Variants in MBD5 observed in about 807,000 individuals in gnomAD.
MBD5 encodes methyl-CpG-binding domain protein 5.
In MBD5, 13 loss-of-function variants were observed where a neutral mutation model predicts 117.3. The ratio of observed to expected loss-of-function variants is 0.11; its 90% CI spans 0.07 to 0.18. MBD5 has a LOEUF of 0.18. MBD5 is among the 10% of genes least tolerant of loss of function. MBD5 has a pLI of 1.00. For synonymous variants in MBD5, 727 were observed against 766.4 expected (o/e 0.95, Z 0.85); for missense variants, 1,879 against 2,093.8 (o/e 0.90, Z 2.00).
chr2:148,220,768 T>A (rs1699666557), intron 2 of MBD5, among the ~76,000 whole-genome samples: 1 of 152,276 alleles, frequency 6.6e-6, no homozygotes, highest in Non-Finnish European at 1.5e-5. Flanking sequence ...TACTTTTAGT[T>A]TTTTTCTAAG....
chr2:148,195,006 C>T (rs1031172547), intron 2 of MBD5, among the ~76,000 whole-genome samples: 2 of 152,128 alleles, frequency 1.3e-5, no homozygotes, highest in Non-Finnish European at 2.9e-5. Flanking sequence ...GATTAAGGTC[C>T]ATACTGTTTC....
intron 3 of MBD5, among the ~76,000 whole-genome samples, chr2:148,234,928 A>G (rs956254959): frequency 6.6e-6 from 1 of 152,196 alleles, no homozygotes; most frequent in Non-Finnish European, 1.5e-5. Flanking sequence ...TTTAATTAGT[A>G]GAAATATTCT....
chr2:148,224,206 C>A (rs752004895), intron 2 of MBD5, among the ~76,000 whole-genome samples: 1 of 152,172 alleles, frequency 6.6e-6, no homozygotes, highest in Non-Finnish European at 1.5e-5. Flanking sequence ...ATTGGATGAA[C>A]TGTTCTGTAA....
intron 4 of MBD5, among the ~76,000 whole-genome samples, chr2:148,440,692 A>C (rs1706291925): frequency 6.6e-6 from 1 of 152,262 alleles, no homozygotes; most frequent in Admixed American, 6.5e-5. Flanking sequence ...CCAGGAACAC[A>C]AAGATAAATA....
intron 1 of MBD5, among the ~76,000 whole-genome samples, chr2:148,091,907 C>A (rs1255945498): frequency 2.6e-5 from 4 of 152,112 alleles, no homozygotes; most frequent in African/African-American, 9.7e-5. Flanking sequence ...TATTCTGCAA[C>A]TATGCATCTG....
At chr2:148,282,889 A>G (rs1701282162) in intron 3 of MBD5, among the ~76,000 whole-genome samples, 1 of 114,694 alleles carries the variant, frequency 8.7e-6, no homozygotes, top group Non-Finnish European at 1.8e-5. Context: ...CTGACTTTTA[A>G]GACTTAACCG....
rs149420079 is a variant in MBD5 at position 148,345,541 on chromosome 2, A to G, written c.-557+3205A>G. Among the ~76,000 whole-genome samples, 117 of 97,728 alleles carry G rather than the reference A, an allele frequency of 1.2e-3. 3 individuals carry two copies. Among genetic ancestry groups the G allele is most frequent in the African/African-American group, 3.9e-3 (84 of 21,658 alleles). The allele number at this position is 97,728 out of a possible 152,430, so 64.1% of individuals were successfully genotyped here. On this transcript the variant is annotated intron_variant, in intron 4 of 13. Transcript: ENST00000642680. Reference sequence around the variant, plus strand: ...TATACACATACATATGTATATACACATATACACATACATATGTATATACAC... The same window carrying G: ...TATACACATACATATGTATATACACGTATACACATACATATGTATATACAC...
Position 148,123,981 on chromosome 2 carries a change from T to G in MBD5, c.-924-54719T>G, listed in dbSNP as rs184319242. ...CTTTAATTTCAAGAACATCTCATTGTGTTGTTAAAAAATCACTGCAGGTCA... is the reference window on the plus strand; with the variant it reads ...CTTTAATTTCAAGAACATCTCATTGGGTTGTTAAAAAATCACTGCAGGTCA... On this transcript the variant is annotated intron_variant, in intron 1 of 13. Transcript: ENST00000642680. Among the ~76,000 whole-genome samples the G allele has an allele frequency of 4.2e-4, 64 of 152,330 alleles. No individual in the cohort carries two copies. The East Asian group carries it at 0.011, about 27-fold the overall frequency.
At chr2:148,152,140 GTCT>G (rs1251722842) in intron 1 of MBD5, among the ~76,000 whole-genome samples, 1 of 151,890 alleles carries the variant, frequency 6.6e-6, no homozygotes, top group Non-Finnish European at 1.5e-5. Flanking sequence ...GGTATGTTGT[GTCT>G]TTGTTCTCGT....
chr2:148,470,035 A>G lies in MBD5; in HGVS notation c.2092A>G (p.Ile698Val). The change falls in exon 8 of 14, where the codon ATC becomes GTC. Residue 698 changes from isoleucine to valine, a missense_variant. Physicochemically the swap from Ile to Val is conservative, Grantham distance 29. Transcript: ENST00000642680. ...LRKQGQGSFPISSMSQLLQSM... is the reference protein window; with the variant it reads ...LRKQGQGSFPVSSMSQLLQSM... Reference sequence around the variant, plus strand: ...GAAGCAGGGTCAGGGTTCATTTCCCATCAGTTCAATGTCTCAGTTACTACA... The same window carrying G: ...GAAGCAGGGTCAGGGTTCATTTCCCGTCAGTTCAATGTCTCAGTTACTACA... 1 of 1,613,856 alleles carries G rather than the reference A, an allele frequency of 6.2e-7. No individual in the cohort carries two copies. The highest frequency in any genetic ancestry group is 1.1e-5 in the South Asian group (1 of 91,078).
chr2:148,085,514 G>T (rs1366811907), intron 1 of MBD5, among the ~76,000 whole-genome samples: 1 of 151,822 alleles, frequency 6.6e-6, no homozygotes, highest in Non-Finnish European at 1.5e-5. Flanking sequence ...CACGAGGTCA[G>T]GAGATCGAGA....
chr2:148,231,524 A>AT (rs1053048569), intron 2 of MBD5, among the ~76,000 whole-genome samples: 1 of 148,692 alleles, frequency 6.7e-6, no homozygotes, highest in African/African-American at 2.4e-5. Flanking sequence ...TGCTCACCTG[A>AT]TTTTTGAGTC....
chr2:148,325,853 T>C (rs1204951941), intron 3 of MBD5, among the ~76,000 whole-genome samples: 1 of 152,224 alleles, frequency 6.6e-6, no homozygotes, highest in Non-Finnish European at 1.5e-5. Context: ...TGCTCTGATC[T>C]TAGTTACTTC....
chr2:148,417,605 T>A (rs1574402455), intron 4 of MBD5, among the ~76,000 whole-genome samples: 2 of 152,188 alleles, frequency 1.3e-5, no homozygotes, highest in Non-Finnish European at 2.9e-5. Context: ...TTTCACCAAA[T>A]CTACACCAAC....
At chr2:148,228,559 G>C (rs1699898909) in intron 2 of MBD5, among the ~76,000 whole-genome samples, 1 of 152,086 alleles carries the variant, frequency 6.6e-6, no homozygotes, top group South Asian at 2.1e-4. Context: ...CAATGATATT[G>C]GTCTAAAATT....
chr2:148,105,812 G>A (rs1359105771), intron 1 of MBD5, among the ~76,000 whole-genome samples: 1 of 151,754 alleles, frequency 6.6e-6, no homozygotes, highest in Non-Finnish European at 1.5e-5. Flanking sequence ...AGCATTTACG[G>A]CTATAAAATT....
rs569478493 is a variant in MBD5 at position 148,173,142 on chromosome 2, A to G, written c.-924-5558A>G. ...TAAAACACGCCCCCCACTCACCACA[A>G]TGCGGGCGACTAGAAAGAAAGACGA... On this transcript the variant is annotated intron_variant, in intron 1 of 13. Transcript: ENST00000642680. 3.3e-5 allele frequency among the ~76,000 whole-genome samples: 5 copies of G among 152,264 alleles called. No individual in the cohort carries two copies. In the East Asian group the frequency reaches 9.6e-4, roughly 29 times the overall value.
At chr2:148,512,723 G>A in intron 13 of MBD5, 147 bp from the exon 14 acceptor site, 2 of 740,058 alleles carry the variant, frequency 2.7e-6, no homozygotes, top group Non-Finnish European at 4.8e-6. Flanking sequence ...TGGGGTCTTG[G>A]TAAACATTTG....
intron 3 of MBD5, among the ~76,000 whole-genome samples, chr2:148,337,058 G>T (rs991599834): frequency 1.3e-5 from 2 of 152,098 alleles, no homozygotes; most frequent in Non-Finnish European, 2.9e-5. Context: ...ACAATACAAT[G>T]GAATGTTTAG....
Sources: gnomAD v4.1 joint callset for allele counts (sites outside exome capture counted in the v4.1 genomes callset) on GRCh38, gnomAD v4.1.1 for gene constraint, MANE v1.5 for transcripts, NCBI Gene and HGNC (gene_info 2026-07-23, HGNC 2026-07-21) for gene names.